Variants in PLA2R1 observed in about 807,000 individuals in gnomAD.
PLA2R1 encodes the protein secretory phospholipase A2 receptor.
Under a neutral mutation model 195.9 loss-of-function variants are expected in PLA2R1, and 158 were observed. The observed-to-expected ratio is 0.81, with a 90% CI of 0.71 to 0.92. The LOEUF is 0.92. PLA2R1 is among the 40% of genes least tolerant of loss of function. PLA2R1 has a pLI of 0.00. For missense variants in PLA2R1, 1,626 were observed against 1,764.6 expected, an observed-to-expected ratio of 0.92 and a Z score of 1.41; for synonymous variants, 586 against 598.2, an observed-to-expected ratio of 0.98 and a Z score of 0.30.
At position 159,958,377 on chromosome 2, in the gene PLA2R1, C is replaced by A. The variant is rs577947232; in HGVS notation, c.2905-1750G>T. Among the ~76,000 whole-genome samples the A allele has an allele frequency of 2.0e-5, 3 of 152,256 alleles. No homozygotes were observed. In the East Asian group the frequency reaches 5.8e-4, roughly 29 times the overall value. On this transcript the variant is annotated intron_variant, in intron 20 of 29. Coordinates refer to ENST00000283243, the MANE Select transcript of PLA2R1 (RefSeq NM_007366.5). Reference sequence around the variant, plus strand: ...TGCCGGCACCATGCTTCTTGTACAGCCTGCAGAACTGTAAGTCAAAATAAA... The same window carrying A: ...TGCCGGCACCATGCTTCTTGTACAGACTGCAGAACTGTAAGTCAAAATAAA...
chr2:160,051,537 T>C lies in PLA2R1; in HGVS notation c.110-6380A>G, dbSNP rs555982515. On this transcript the variant is annotated intron_variant, in intron 1 of 29. Transcript: ENST00000283243. Reference sequence around the variant, plus strand: ...AATCTGGAGGTGAGCAGCTTCTCTCTTGAGATGTACTGACCTTTTCCAGCT... The same window carrying C: ...AATCTGGAGGTGAGCAGCTTCTCTCCTGAGATGTACTGACCTTTTCCAGCT... Among the ~76,000 whole-genome samples, 10 of 152,340 alleles carry C rather than the reference T, an allele frequency of 6.6e-5. No individual in the cohort carries two copies. The South Asian group carries it at 2.1e-3, about 32-fold the overall frequency.
At position 160,006,376 on chromosome 2, in the gene PLA2R1, T is replaced by C. The variant is rs186778912; in HGVS notation, c.1665-555A>G. ...CAGTGTGTTCATAGGCAGAGGTAGG[T>C]CTCAGCTTATTCAAATGTGTTTAAA... On this transcript the variant is annotated intron_variant, in intron 10 of 29. Coordinates refer to ENST00000283243, the MANE Select transcript of PLA2R1 (RefSeq NM_007366.5). Among the ~76,000 whole-genome samples the C allele has an allele frequency of 1.2e-4, 18 of 152,302 alleles. 1 individual carries two copies. In the East Asian group the frequency reaches 2.5e-3, roughly 21 times the overall value.
intron 11 of PLA2R1, among the ~76,000 whole-genome samples, chr2:159,999,935 T>G (rs867415147): frequency 2.0e-5 from 3 of 152,134 alleles, no homozygotes; most frequent in Non-Finnish European, 4.4e-5. Context: ...AAATGCTGGA[T>G]AAAACATTTT....
Position 159,941,820 on chromosome 2 carries a change from TTC to T in PLA2R1, c.4348_4349del (p.Glu1450ArgfsTer7). 6.2e-7 allele frequency: 1 copy of T among 1,611,074 alleles called. No individual in the cohort carries two copies. The highest frequency in any genetic ancestry group is 8.5e-7 in the Non-Finnish European group (1 of 1,177,362). ...PATNFSTVYL[E>X]ENILISDLEK... ...CAAGATCAGAAATGAGAATATTTTC[TTC>T]TAAATATACTGTACTAAAGTTGGTT... is the stretch of plus-strand genomic sequence containing the variant. On this transcript the variant is annotated frameshift_variant, in exon 30 of 30. Coordinates refer to ENST00000283243, the MANE Select transcript of PLA2R1 (RefSeq NM_007366.5). LOFTEE classifies it high-confidence loss of function.
chr2:159,924,262 G>A, the PLA2R1 span, among the ~76,000 whole-genome samples: 3 of 152,202 alleles, frequency 2.0e-5, no homozygotes, highest in Admixed American at 6.5e-5. Flanking sequence ...CCTGGGTAAT[G>A]CAGGATGATT....
At chr2:159,970,045 G>A (rs1010461513) in intron 18 of PLA2R1, 103 bp downstream of exon 18, 2 of 717,264 alleles carry the variant, frequency 2.8e-6, no homozygotes, top group African/African-American at 1.8e-5. Flanking sequence ...ATAAGTTAAT[G>A]TTTGAAGGGT....
chr2:160,005,835 A>G lies in PLA2R1; in HGVS notation c.1665-14T>C. 1 of 1,591,454 alleles carries G rather than the reference A, an allele frequency of 6.3e-7. No individual in the cohort carries two copies. The highest frequency in any genetic ancestry group is 8.6e-7 in the Non-Finnish European group (1 of 1,160,184). On this transcript the variant is annotated splice_polypyrimidine_tract_variant and intron_variant, in intron 10 of 29. Transcript: ENST00000283243. Reference sequence around the variant, plus strand: ...GCCTGTTCAAACCTTAAAAGGGGAAAAAAGAAGTGGTTACATTAAGTTTCT... The same window carrying G: ...GCCTGTTCAAACCTTAAAAGGGGAAGAAAGAAGTGGTTACATTAAGTTTCT...
chr2:160,048,523 G>A (rs545526656), intron 1 of PLA2R1, among the ~76,000 whole-genome samples: 1 of 152,316 alleles, frequency 6.6e-6, no homozygotes, highest in African/African-American at 2.4e-5. Context: ...AGACTGTGAG[G>A]AGACTTAATA....
rs1211479616 is a variant in PLA2R1, at chr2:159,936,375, T to C, written c.*5403A>G. ...ATTGATCAGAACAAAATAAATATGT[T>C]ACAAAGATTAAGATAGTATATGTCA... On this transcript the variant is annotated 3_prime_UTR_variant, in exon 30 of 30. Coordinates refer to ENST00000283243, the MANE Select transcript of PLA2R1 (RefSeq NM_007366.5). The C allele has an allele frequency of 2.6e-5, 4 of 152,228 alleles. No homozygotes were observed. Among genetic ancestry groups the C allele is most frequent in the Non-Finnish European group, 4.4e-5 (3 of 68,042 alleles). The allele number at this position is 152,228 out of a possible 1,614,324, so 9.4% of individuals were successfully genotyped here. A position where few individuals can be genotyped will look rare whatever the true frequency, so the allele number is the denominator to read the frequency against.
intron 11 of PLA2R1, among the ~76,000 whole-genome samples, chr2:160,000,368 C>T (rs1229051245): frequency 6.6e-6 from 1 of 152,160 alleles, no homozygotes; most frequent in African/African-American, 2.4e-5. Context: ...CGTTAGTCAT[C>T]GAATTCATGC....
chr2:159,945,103 CATTATGA>C (rs781175953), intron 27 of PLA2R1, 21 bp from the exon 28 acceptor site: 84 of 1,577,788 alleles, frequency 5.3e-5, no homozygotes, highest in Non-Finnish European at 6.9e-5. Flanking sequence ...ATTGCTGACT[CATTATGA>C]ATTATGTGCA....
intron 11 of PLA2R1, among the ~76,000 whole-genome samples, chr2:159,996,807 G>A (rs1382765160): frequency 6.6e-6 from 1 of 151,990 alleles, no homozygotes; most frequent in Non-Finnish European, 1.5e-5. Flanking sequence ...TCTGTGCCCA[G>A]TCTACTATAA....
Position 160,022,986 on chromosome 2 carries a change from C to T in PLA2R1, c.1100-127G>A, listed in dbSNP as rs114863843. 6,193 of 638,592 alleles carry T rather than the reference C, an allele frequency of 9.7e-3. 42 individuals are homozygous for T. Among genetic ancestry groups the T allele is most frequent in the Non-Finnish European group, 0.013 (4,830 of 375,720 alleles). 39.6% of individuals were successfully genotyped at this position (638,592 alleles called of 1,614,324 possible). Reference sequence around the variant, plus strand: ...TGAAAAACAGAAATATACAAAATGACATATATCATGGAATTCTAGATCTTC... The same window carrying T: ...TGAAAAACAGAAATATACAAAATGATATATATCATGGAATTCTAGATCTTC... On this transcript the variant is annotated intron_variant, in intron 6 of 29. Coordinates refer to ENST00000283243, the MANE Select transcript of PLA2R1 (RefSeq NM_007366.5).
rs998568584 is a variant in PLA2R1 at position 159,947,625 on chromosome 2, C to T, written c.3710-66G>A. On this transcript the variant is annotated intron_variant, in intron 25 of 29. Coordinates refer to ENST00000283243, the MANE Select transcript of PLA2R1 (RefSeq NM_007366.5). ...GGTTTATTTATTGAGATAAATATTA[C>T]ATTACATTCTATAAAAGATCAAGAT... The T allele has an allele frequency of 5.8e-6, 8 of 1,374,262 alleles. No homozygotes were observed. In the Admixed American group the frequency reaches 7.7e-5, roughly 13 times the overall value. The allele number at this position is 1,374,262 out of a possible 1,614,324, so 85.1% of individuals were successfully genotyped here. A position where few individuals can be genotyped will look rare whatever the true frequency, so the allele number is the denominator to read the frequency against.
chr2:160,003,954 G>GA (rs1691787415), intron 11 of PLA2R1, among the ~76,000 whole-genome samples: 1 of 152,088 alleles, frequency 6.6e-6, no homozygotes, highest in Non-Finnish European at 1.5e-5. Flanking sequence ...ATTGCTAAGT[G>GA]AAAAAAATCA....
At chr2:160,025,750 G>GA (rs541839583) in intron 6 of PLA2R1, among the ~76,000 whole-genome samples, 116 of 151,958 alleles carry the variant, frequency 7.6e-4, no homozygotes, top group Non-Finnish European at 1.4e-3. Context: ...AGAAAACAAT[G>GA]AAAAAAATGG....
intron 10 of PLA2R1, among the ~76,000 whole-genome samples, chr2:160,007,696 C>G (rs796681160): frequency 2.4e-4 from 37 of 152,282 alleles, no homozygotes; most frequent in African/African-American, 8.4e-4. Flanking sequence ...AGGTGAAAGA[C>G]TTGTATACTG....
At chr2:160,007,257 A>G (rs1321232453) in intron 10 of PLA2R1, among the ~76,000 whole-genome samples, 1 of 152,178 alleles carries the variant, frequency 6.6e-6, no homozygotes, top group Admixed American at 6.5e-5. Context: ...GCTTTTCTCT[A>G]TCTCCTCTGA....
intron 6 of PLA2R1, among the ~76,000 whole-genome samples, chr2:160,027,917 A>C (rs920500770): frequency 1.3e-5 from 2 of 152,196 alleles, no homozygotes; most frequent in Non-Finnish European, 2.9e-5. Context: ...TAGAATAGAA[A>C]AAGAAATGTA....
Sources: allele counts gnomAD v4.1 joint callset (sites outside exome capture counted in the v4.1 genomes callset), GRCh38; gene constraint gnomAD v4.1.1; transcripts MANE v1.5; gene names NCBI Gene and HGNC (gene_info 2026-07-23, HGNC 2026-07-21).